DLG5: variants seen among roughly 807,000 people sequenced by gnomAD.
The protein encoded by DLG5 is discs large MAGUK scaffold protein 5.
DLG5 carries 48 observed loss-of-function variants against 189.8 expected under a neutral mutation model. The ratio of observed to expected loss-of-function variants is 0.25; its 90% confidence interval spans 0.20 to 0.32. The LOEUF (loss-of-function observed/expected upper bound fraction) is 0.32. Ranked by LOEUF, DLG5 falls within the 10% of genes least tolerant of loss-of-function variation. DLG5 has a pLI of 1.00. For synonymous variants in DLG5, 1,016 were observed against 1,054.1 expected, an observed-to-expected ratio of 0.96 and a Z score of 0.70; for missense variants, 2,160 against 2,544.7, an observed-to-expected ratio of 0.85 and a Z score of 3.25.
intron 3 of DLG5, 135 bp from the exon 4 acceptor site, chr10:77,854,505 T>G: frequency 2.5e-6 from 3 of 1,191,354 alleles, no homozygotes; most frequent in South Asian, 1.5e-5. Flanking sequence ...CCTGGGTGTT[T>G]GTTAAACTCA....
At position 77,791,619 on chromosome 10, in the gene DLG5, A is replaced by G. The variant is rs1230991391; in HGVS notation, c.*821T>C. 1 of 152,342 alleles carries G rather than the reference A, an allele frequency of 6.6e-6. No homozygotes were observed. The highest frequency in any genetic ancestry group is 6.5e-5 in the Admixed American group (1 of 15,278). The allele number at this position is 152,342 out of a possible 1,614,324, so 9.4% of individuals were successfully genotyped here. A position where few individuals can be genotyped will look rare whatever the true frequency, so the allele number is the denominator to read the frequency against. Reference sequence around the variant, plus strand: ...AGGCTGTCACGACTTACAGAGCCTAAGGAGGACCCAATGGCAGGCATCAGC... The same window carrying G: ...AGGCTGTCACGACTTACAGAGCCTAGGGAGGACCCAATGGCAGGCATCAGC... On this transcript the variant is annotated 3_prime_UTR_variant, in exon 32 of 32. Transcript: ENST00000372391.
chr10:77,857,235 T>C (rs934922091), intron 2 of DLG5, among the ~76,000 whole-genome samples: 1 of 152,140 alleles, frequency 6.6e-6, no homozygotes, highest in Admixed American at 6.5e-5. Flanking sequence ...GGTTTGGAAA[T>C]ATCAGCTGTT....
chr10:77,939,116 G>T, the DLG5 span, among the ~76,000 whole-genome samples: 1 of 152,188 alleles, frequency 6.6e-6, no homozygotes, highest in Non-Finnish European at 1.5e-5. Flanking sequence ...GGAGGCAGAG[G>T]TTGCAGTGAG....
intron 1 of DLG5, among the ~76,000 whole-genome samples, chr10:77,875,047 G>A (rs186418771): frequency 7.0e-4 from 106 of 152,322 alleles, no homozygotes; most frequent in African/African-American, 2.5e-3. Context: ...ACAACCCAAA[G>A]GTTGTCATTA....
chr10:77,841,833 G>T, intron 7 of DLG5, 48 bp downstream of exon 7: 1 of 1,568,730 alleles, frequency 6.4e-7, no homozygotes, highest in Non-Finnish European at 8.7e-7. Flanking sequence ...CCTCTTCCCG[G>T]GATGCTGTAG....
At position 77,791,986 on chromosome 10, in the gene DLG5, G is replaced by C. The variant is rs1840661673; in HGVS notation, c.*454C>G. On this transcript the variant is annotated 3_prime_UTR_variant, in exon 32 of 32. Transcript: ENST00000372391. ...AAAGCAGCCCCCATTGAGGTTCCAAGGTCGTTTTGCTGAAGACGGGAACGA... is the reference window on the plus strand; with the variant it reads ...AAAGCAGCCCCCATTGAGGTTCCAACGTCGTTTTGCTGAAGACGGGAACGA... 5.9e-6 allele frequency: 1 copy of C among 168,852 alleles called. No individual in the cohort carries two copies. The highest frequency in any genetic ancestry group is 1.7e-4 in the East Asian group (1 of 5,838). 10.5% of individuals were successfully genotyped at this position (168,852 alleles called of 1,614,324 possible). A position where few individuals can be genotyped will look rare whatever the true frequency, so the allele number is the denominator to read the frequency against.
chr10:77,828,797 T>C, intron 13 of DLG5, 85 bp downstream of exon 13: 1 of 1,328,994 alleles, frequency 7.5e-7, no homozygotes, highest in Non-Finnish European at 1.1e-6. Flanking sequence ...ATATAAAAAC[T>C]TTGCTCATTA....
Position 77,840,298 on chromosome 10 carries a change from G to A in DLG5, c.1437+1583C>T, listed in dbSNP as rs181446096. Among the ~76,000 whole-genome samples the A allele has an allele frequency of 1.0e-3, 157 of 152,238 alleles. 1 individual carries two copies. Among genetic ancestry groups the A allele is most frequent in the Middle Eastern group, 3.4e-3 (1 of 294 alleles). On this transcript the variant is annotated intron_variant, in intron 7 of 31. Transcript: ENST00000372391. ...GGGGTCTGAGGTGGGAGCATCACTT[G>A]AGCCCAAGAGGTCGAGATTACAGTG...
At chr10:77,879,882 A>G (rs1845222666) in intron 1 of DLG5, among the ~76,000 whole-genome samples, 1 of 151,894 alleles carries the variant, frequency 6.6e-6, no homozygotes, top group Non-Finnish European at 1.5e-5. Context: ...ACAGACACAC[A>G]AGGGAGGTGT....
intron 1 of DLG5, among the ~76,000 whole-genome samples, chr10:77,883,204 C>G (rs909065958): frequency 2.6e-5 from 4 of 152,080 alleles, no homozygotes; most frequent in Non-Finnish European, 5.9e-5. Flanking sequence ...GCTGAGAGAA[C>G]AGTTAGGATG....
chr10:77,886,982 T>C (rs894077192), intron 1 of DLG5, among the ~76,000 whole-genome samples: 1 of 152,166 alleles, frequency 6.6e-6, no homozygotes, highest in African/African-American at 2.4e-5. Flanking sequence ...CCTCCAGAAC[T>C]GTGAGATAAT....
In DLG5 at chr10:77,842,109, C is replaced by T; in HGVS notation, c.1209G>A (p.Glu403=). 1 of 1,613,226 alleles carries T rather than the reference C, an allele frequency of 6.2e-7. No individual in the cohort carries two copies. Among genetic ancestry groups the T allele is most frequent in the Middle Eastern group, 1.6e-4 (1 of 6,062 alleles). Residue 403 remains glutamate (E), a synonymous_variant, in exon 7 of 32, where the codon GAG becomes GAA. Transcript: ENST00000372391. ...CCTGCGTGGTTCTCAGCTCGGTCAGCTCTGACTGCAGCAGCTCCATCTCCC... is the reference window on the plus strand; with the variant it reads ...CCTGCGTGGTTCTCAGCTCGGTCAGTTCTGACTGCAGCAGCTCCATCTCCC... ...LQWEMELLQS[E]LTELRTTQVK...
At chr10:77,853,605 T>C (rs1844088399) in intron 4 of DLG5, 68 bp from the exon 5 acceptor site, 2 of 1,403,822 alleles carry the variant, frequency 1.4e-6, no homozygotes, top group Non-Finnish European at 1.9e-6. Context: ...CCCCAGGGCA[T>C]CACCAGCCTC....
chr10:77,824,549 A>AC, intron 13 of DLG5, 73 bp from the exon 14 acceptor site: 1 of 1,196,834 alleles, frequency 8.4e-7, no homozygotes, highest in Admixed American at 1.8e-5. Flanking sequence ...ATCTCTGCCT[A>AC]CCTAACCTCC....
At chr10:77,934,943 C>T in the DLG5 span, among the ~76,000 whole-genome samples, 259 of 151,244 alleles carry the variant, frequency 1.7e-3, 1 homozygote, top group African/African-American at 5.9e-3. Flanking sequence ...CTGCAAGCTC[C>T]GCCTCCCTGG....
chr10:77,806,720 C>A, intron 26 of DLG5, 38 bp downstream of exon 26: 4 of 1,220,314 alleles, frequency 3.3e-6, no homozygotes, highest in Non-Finnish European at 4.8e-6. Flanking sequence ...CCTCGGCGAC[C>A]CCTGCCCCAC....
At chr10:77,823,537 T>C (rs1205410002) in intron 14 of DLG5, among the ~76,000 whole-genome samples, 1 of 151,722 alleles carries the variant, frequency 6.6e-6, no homozygotes. Context: ...TTCCTTTTTT[T>C]TTTTTTTTTT....
chr10:77,875,369 G>A (rs1845051227), intron 1 of DLG5, among the ~76,000 whole-genome samples: 1 of 152,210 alleles, frequency 6.6e-6, no homozygotes, highest in Admixed American at 6.5e-5. Flanking sequence ...AGAAGTCTCA[G>A]AGCAGGGCTG....
At position 77,856,855 on chromosome 10, in the gene DLG5, G is replaced by A. The variant is rs1314351712; in HGVS notation, c.411C>T (p.Leu137=). The change falls in exon 3 of 32, where the codon CTC becomes CTT. Residue 137 remains leucine, a synonymous_variant. Coordinates refer to ENST00000372391, the MANE Select transcript of DLG5 (RefSeq NM_004747.4). ...CCTTCTCATTCACTTGCTGGTCAGT[G>A]AGGAGGGGTGGTGGGGACGGCGCCT... ...TGKAPSPPPL[L]TDQQVNEKVE... 1.2e-6 allele frequency: 2 copies of A among 1,612,478 alleles called. No homozygotes were observed. Among genetic ancestry groups the A allele is most frequent in the Non-Finnish European group, 1.7e-6 (2 of 1,179,914 alleles).
Sources: allele counts gnomAD v4.1 joint callset (sites outside exome capture counted in the v4.1 genomes callset), GRCh38; gene constraint gnomAD v4.1.1; transcripts MANE v1.5; gene names NCBI Gene and HGNC (gene_info 2026-07-23, HGNC 2026-07-21).